UBE2W: variants seen among roughly 807,000 people sequenced by gnomAD.
UBE2W encodes ubiquitin-conjugating enzyme E2 W.
In UBE2W, 18 loss-of-function variants were observed where a neutral mutation model predicts 27.2. The observed-to-expected ratio is 0.66, with a 90% CI of 0.46 to 0.98. UBE2W has a LOEUF of 0.98. UBE2W is among the 50% of genes least tolerant of loss of function. The probability of loss-of-function intolerance (pLI) is 0.00; values close to 1 mark genes in which losing one functional copy is unlikely to be tolerated. For missense variants in UBE2W, 90 were observed against 180.2 expected (o/e 0.50, Z 2.87); for synonymous variants, 53 against 57.2 (o/e 0.93, Z 0.33).
intron 1 of UBE2W, chr8:73,870,414 A>C: frequency 1.0e-6 from 1 of 976,432 alleles, no homozygotes; most frequent in East Asian, 2.6e-5. Flanking sequence ...AGACAAAAGC[A>C]TCTAGTAGAG....
chr8:73,835,232 G>GAA (rs60143568), intron 1 of UBE2W, among the ~76,000 whole-genome samples: 33 of 133,200 alleles, frequency 2.5e-4, no homozygotes, highest in African/African-American at 7.7e-4. Flanking sequence ...GGGTTCTATA[G>GAA]AAAAAAAAAA....
At chr8:73,799,210 T>C (rs1193466878) in intron 5 of UBE2W, among the ~76,000 whole-genome samples, 1 of 152,090 alleles carries the variant, frequency 6.6e-6, no homozygotes, top group East Asian at 1.9e-4. Context: ...TTTTACATGG[T>C]AATAAATCAC....
At chr8:73,853,486 C>A (rs1356365252) in intron 1 of UBE2W, among the ~76,000 whole-genome samples, 2 of 152,098 alleles carry the variant, frequency 1.3e-5, no homozygotes, top group East Asian at 3.9e-4. Flanking sequence ...GAATTTAACT[C>A]CTGGCCTTAA....
intron 5 of UBE2W, among the ~76,000 whole-genome samples, chr8:73,801,375 G>T (rs561223675): frequency 2.6e-5 from 4 of 152,310 alleles, no homozygotes; most frequent in African/African-American, 9.6e-5. Context: ...GCATGAGAAA[G>T]TAGGAGAGAG....
chr8:73,848,275 CAG>C (rs1434775819), intron 1 of UBE2W, among the ~76,000 whole-genome samples: 1 of 152,150 alleles, frequency 6.6e-6, no homozygotes, highest in Non-Finnish European at 1.5e-5. Flanking sequence ...AATTACAACA[CAG>C]ATCATAGATC....
chr8:73,787,152 T>C lies in UBE2W; in HGVS notation c.*6950A>G. On this transcript the variant is annotated 3_prime_UTR_variant, in exon 6 of 6. Transcript: ENST00000602593. ...TATGCAGGCAAACATTAAAAATAAATCTTACAGGCAACTAAAAAAATGGTT... is the reference window on the plus strand; with the variant it reads ...TATGCAGGCAAACATTAAAAATAAACCTTACAGGCAACTAAAAAAATGGTT... 3 of 985,406 alleles carry C rather than the reference T, an allele frequency of 3.0e-6. No individual in the cohort carries two copies. Among genetic ancestry groups the C allele is most frequent in the Non-Finnish European group, 3.6e-6 (3 of 829,928 alleles). The allele number at this position is 985,406 out of a possible 1,614,324, so 61.0% of individuals were successfully genotyped here.
At chr8:73,844,687 C>A (rs1287408782) in intron 1 of UBE2W, among the ~76,000 whole-genome samples, 1 of 151,782 alleles carries the variant, frequency 6.6e-6, no homozygotes, top group Non-Finnish European at 1.5e-5. Flanking sequence ...GCCGTCATCT[C>A]GTCTAGGAAG....
At chr8:73,848,527 T>TA (rs895777051) in intron 1 of UBE2W, among the ~76,000 whole-genome samples, 2 of 151,638 alleles carry the variant, frequency 1.3e-5, no homozygotes, top group Admixed American at 6.6e-5. Flanking sequence ...CTACAAATAA[T>TA]AAAAAAAATT....
intron 3 of UBE2W, among the ~76,000 whole-genome samples, chr8:73,820,016 G>A (rs900021210): frequency 1.3e-5 from 2 of 152,066 alleles, no homozygotes; most frequent in African/African-American, 4.8e-5. Flanking sequence ...GTTGCCCTAC[G>A]TTGCCCAGGC....
chr8:73,857,304 C>T (rs545960352), intron 1 of UBE2W, among the ~76,000 whole-genome samples: 69 of 152,040 alleles, frequency 4.5e-4, no homozygotes, highest in Non-Finnish European at 9.7e-4. Flanking sequence ...AAAAATACAG[C>T]AAAAATGTTT....
downstream of UBE2W, among the ~76,000 whole-genome samples, chr8:73,782,251 G>GT (rs1277337371): frequency 2.9e-3 from 441 of 151,308 alleles, 1 homozygote; most frequent in African/African-American, 0.01. Flanking sequence ...CTGGCCAATT[G>GT]TGTTTTTTTT....
chr8:73,789,098 A>G lies in UBE2W; in HGVS notation c.*5004T>C. ...TCAAAGAACCCTAACTTCAACTTTC[A>G]GGATAGAGAGCTAAGTTTCAAGTAC... is the stretch of plus-strand genomic sequence containing the variant. On this transcript the variant is annotated 3_prime_UTR_variant, in exon 6 of 6. Coordinates refer to ENST00000602593, the MANE Select transcript of UBE2W (RefSeq NM_018299.6). The G allele has an allele frequency of 1.0e-6, 1 of 985,210 alleles. No individual in the cohort carries two copies. The highest frequency in any genetic ancestry group is 1.2e-6 in the Non-Finnish European group (1 of 829,898). The allele number at this position is 985,210 out of a possible 1,614,324, so 61.0% of individuals were successfully genotyped here.
chr8:73,830,446 AG>A lies in UBE2W; in HGVS notation c.41del (p.Ala14ValfsTer10), dbSNP rs1258539817. 1 of 1,613,902 alleles carries A rather than the reference AG, an allele frequency of 6.2e-7. No homozygotes were observed. Among genetic ancestry groups the A allele is most frequent in the Admixed American group, 1.7e-5 (1 of 60,016 alleles). On this transcript the variant is annotated frameshift_variant, in exon 2 of 6. Coordinates refer to ENST00000602593, the MANE Select transcript of UBE2W (RefSeq NM_018299.6). LOFTEE classifies it high-confidence loss of function. ...TTCCAGGAGGTGGGTCATTTTGCAA[AG>A]CCAACAGTTCTTTCTGTAGTCGTTT... ...MQKRLQKELL[A>X]LQNDPPPGMT... is the part of the protein sequence containing the mutation.
Position 73,878,846 on chromosome 8 carries a change from G to A in UBE2W, c.-24C>T, listed in dbSNP as rs565202124. ...ATGATGGAACCATCCCCCCAAGACC[G>A]GCGAGGCCAGAGACGCAGGGGGAGG... On this transcript the variant is annotated 5_prime_UTR_variant, in exon 1 of 6. Coordinates refer to ENST00000602593, the MANE Select transcript of UBE2W (RefSeq NM_018299.6). 6 of 1,548,142 alleles carry A rather than the reference G, an allele frequency of 3.9e-6. No homozygotes were observed. The Admixed American group carries it at 5.9e-5, about 15-fold the overall frequency.
At chr8:73,780,696 A>AT (rs1297917422) in intron 4 of UBE2W, among the ~76,000 whole-genome samples, 9 of 151,418 alleles carry the variant, frequency 5.9e-5, no homozygotes, top group African/African-American at 9.7e-5. Context: ...ATTTGTTTGT[A>AT]TTTTTTTTGT....
At chr8:73,848,865 T>C (rs751232783) in intron 1 of UBE2W, among the ~76,000 whole-genome samples, 52 of 152,300 alleles carry the variant, frequency 3.4e-4, no homozygotes, top group African/African-American at 8.4e-4. Flanking sequence ...TACATGTAGA[T>C]TTGTGCATTT....
intron 1 of UBE2W, among the ~76,000 whole-genome samples, chr8:73,844,254 T>C (rs979915299): frequency 6.9e-6 from 1 of 143,894 alleles, no homozygotes; most frequent in African/African-American, 2.7e-5. Context: ...CCCTGCCTGA[T>C]TCTCCTGCCT....
intron 1 of UBE2W, among the ~76,000 whole-genome samples, chr8:73,844,642 C>T (rs1407278273): frequency 6.6e-6 from 1 of 150,704 alleles, no homozygotes; most frequent in South Asian, 2.1e-4. Context: ...TCTGCCCGGC[C>T]GCCCAGTCTG....
chr8:73,787,784 T>A lies in UBE2W; in HGVS notation c.*6318A>T, dbSNP rs1176381672. 3 of 985,322 alleles carry A rather than the reference T, an allele frequency of 3.0e-6. No homozygotes were observed. The highest frequency in any genetic ancestry group is 3.6e-6 in the Non-Finnish European group (3 of 829,932). 61.0% of individuals were successfully genotyped at this position (985,322 alleles called of 1,614,324 possible). ...TCCAGAAGTTCTTAGAGTATGCCCT[T>A]AATTGTACAACTTGAAGTTCAGGAA... On this transcript the variant is annotated 3_prime_UTR_variant, in exon 6 of 6. Transcript: ENST00000602593.
Sources: gnomAD v4.1 joint callset for allele counts (sites outside exome capture counted in the v4.1 genomes callset) on GRCh38, gnomAD v4.1.1 for gene constraint, MANE v1.5 for transcripts, NCBI Gene and HGNC (gene_info 2026-07-23, HGNC 2026-07-21) for gene names.